The following TRPS1 variants were observed in gnomAD, a reference collection of about 807,000 sequenced individuals.
TRPS1 encodes zinc finger transcription factor Trps1.
A neutral mutation model predicts 101.2 loss-of-function variants in TRPS1; 6 were observed. That is an observed-to-expected ratio of 0.06 (90% CI 0.03 to 0.12). TRPS1 has a LOEUF of 0.12. TRPS1 is among the 10% of genes least tolerant of loss of function. TRPS1 has a pLI of 1.00. For missense variants in TRPS1, 1,363 were observed against 1,567.0 expected (o/e 0.87, Z 2.20); for synonymous variants, 578 against 589.8 (o/e 0.98, Z 0.29).
chr8:115,421,356 A>G (rs537968156), intron 5 of TRPS1, among the ~76,000 whole-genome samples: 8 of 152,290 alleles, frequency 5.3e-5, no homozygotes, highest in African/African-American at 1.7e-4. Flanking sequence ...CTCAAATCCT[A>G]TTTGCCAAGA....
chr8:115,662,390 G>A (rs910184580), intron 1 of TRPS1, among the ~76,000 whole-genome samples: 13 of 151,822 alleles, frequency 8.6e-5, no homozygotes, highest in Admixed American at 2.0e-4. Context: ...CAAAGTCCAC[G>A]ACAAGTAACC....
chr8:115,654,345 T>A (rs1427762914), intron 1 of TRPS1, among the ~76,000 whole-genome samples: 1 of 152,200 alleles, frequency 6.6e-6, no homozygotes, highest in East Asian at 1.9e-4. Context: ...GGAAAGTATT[T>A]AAAATAAATG....
At chr8:115,516,830 G>A (rs1208543975) in intron 5 of TRPS1, among the ~76,000 whole-genome samples, 1 of 151,420 alleles carries the variant, frequency 6.6e-6, no homozygotes, top group Non-Finnish European at 1.5e-5. Context: ...CCAAACCAGT[G>A]TTCTTTTACT....
intron 5 of TRPS1, among the ~76,000 whole-genome samples, chr8:115,529,703 A>C (rs1008323324): frequency 2.6e-5 from 4 of 152,136 alleles, no homozygotes; most frequent in Admixed American, 6.6e-5. Flanking sequence ...TATATTACAG[A>C]AAGTGTCCAG....
intron 1 of TRPS1, among the ~76,000 whole-genome samples, chr8:115,647,256 A>G (rs889855467): frequency 1.3e-5 from 2 of 152,168 alleles, no homozygotes; most frequent in African/African-American, 2.4e-5. Flanking sequence ...AATTTTCATG[A>G]TATGGCCTTA....
intron 5 of TRPS1, among the ~76,000 whole-genome samples, chr8:115,548,333 T>C (rs946218429): frequency 6.6e-6 from 1 of 152,128 alleles, no homozygotes; most frequent in Non-Finnish European, 1.5e-5. Flanking sequence ...TTTTTGTTTT[T>C]TGGGTTTTGT....
chr8:115,485,149 A>G (rs1563764390), intron 5 of TRPS1, among the ~76,000 whole-genome samples: 1 of 152,212 alleles, frequency 6.6e-6, no homozygotes, highest in East Asian at 1.9e-4. Flanking sequence ...TGGTCTCAGA[A>G]GAGGAAGTCA....
At chr8:115,500,283 C>T (rs1346756189) in intron 5 of TRPS1, among the ~76,000 whole-genome samples, 2 of 152,094 alleles carry the variant, frequency 1.3e-5, no homozygotes, top group Admixed American at 6.5e-5. Flanking sequence ...CCGCCTTGGC[C>T]TCCCAAAGTG....
intron 5 of TRPS1, among the ~76,000 whole-genome samples, chr8:115,575,706 C>T (rs531681360): frequency 6.6e-6 from 1 of 152,120 alleles, no homozygotes; most frequent in South Asian, 2.1e-4. Context: ...ATCATGATCA[C>T]CCATACTTCA....
At position 115,414,291 on chromosome 8, in the gene TRPS1, T is replaced by G. The variant is rs778438098; in HGVS notation, c.3617A>C (p.Asn1206Thr). Reference protein sequence around the residue: ...EKTKAPPNVKNEGPLNVVKTE... With the variant: ...EKTKAPPNVKTEGPLNVVKTE... ...TTTTACTACATTCAAGGGACCTTCA[T>G]TTTTTACATTTGGTGGTGCCTTCGT... The change falls in exon 7 of 7, where the codon AAT becomes ACT. Residue 1206 changes from asparagine (N) to threonine (T), a missense_variant. Coordinates refer to ENST00000395715, the MANE Select transcript of TRPS1 (RefSeq NM_014112.5). This position sits in a 1 kb window ranked among gnomAD's most constrained non-coding sequence, Gnocchi z 4.8. 1 of 1,614,008 alleles carries G rather than the reference T, an allele frequency of 6.2e-7. No homozygotes were observed. Among genetic ancestry groups the G allele is most frequent in the East Asian group, 2.2e-5 (1 of 44,874 alleles).
At chr8:115,464,248 A>G (rs987348557) in intron 5 of TRPS1, among the ~76,000 whole-genome samples, 2 of 152,106 alleles carry the variant, frequency 1.3e-5, no homozygotes, top group Non-Finnish European at 2.9e-5. Context: ...TATTTTATCC[A>G]ACTGCTTTGT....
chr8:115,462,623 TTC>T (rs375709611), intron 5 of TRPS1, among the ~76,000 whole-genome samples: 9,860 of 132,484 alleles, frequency 0.074, 1,077 homozygotes, highest in African/African-American at 0.22. Flanking sequence ...TGTTTTTCTT[TTC>T]TCTCTCTCTC....
intron 5 of TRPS1, among the ~76,000 whole-genome samples, chr8:115,536,001 A>G (rs927384145): frequency 1.3e-5 from 2 of 152,142 alleles, no homozygotes; most frequent in Admixed American, 6.5e-5. Flanking sequence ...TTTTCACATC[A>G]TAACATAATT....
Position 115,411,895 on chromosome 8 carries a change from T to A in TRPS1, c.*2128A>T, listed in dbSNP as rs1812798486. On this transcript the variant is annotated 3_prime_UTR_variant, in exon 7 of 7. Coordinates refer to ENST00000395715, the MANE Select transcript of TRPS1 (RefSeq NM_014112.5). ...TTCATTCGCTACAACAGTCACGAACTGGTTGAACTCTACCTGCCATCCAAC... is the reference window on the plus strand; with the variant it reads ...TTCATTCGCTACAACAGTCACGAACAGGTTGAACTCTACCTGCCATCCAAC... 1 of 152,468 alleles carries A rather than the reference T, an allele frequency of 6.6e-6. No individual in the cohort carries two copies. 9.4% of individuals were successfully genotyped at this position (152,468 alleles called of 1,614,324 possible).
chr8:115,548,205 G>A (rs1359549059), intron 5 of TRPS1, among the ~76,000 whole-genome samples: 1 of 152,056 alleles, frequency 6.6e-6, no homozygotes, highest in Non-Finnish European at 1.5e-5. Context: ...GTGTATTCCA[G>A]CCTGGGTGAC....
chr8:115,592,603 T>C (rs1330027477), intron 4 of TRPS1, among the ~76,000 whole-genome samples: 3 of 152,210 alleles, frequency 2.0e-5, no homozygotes, highest in Non-Finnish European at 2.9e-5. Context: ...TTATCAGTTC[T>C]AACTGAAGGA....
intron 5 of TRPS1, among the ~76,000 whole-genome samples, chr8:115,527,783 A>G (rs749049528): frequency 2.0e-5 from 3 of 152,120 alleles, no homozygotes; most frequent in Non-Finnish European, 2.9e-5. Context: ...AAAAGAAGCC[A>G]TTCTGGTATT....
At chr8:115,483,532 CAAAA>C (rs67338348) in intron 5 of TRPS1, among the ~76,000 whole-genome samples, 21 of 109,944 alleles carry the variant, frequency 1.9e-4, no homozygotes, top group Admixed American at 3.8e-4. Flanking sequence ...GACCTTGTCT[CAAAA>C]AAAAAAAAAA....
chr8:115,608,556 C>T (rs1261973765), intron 3 of TRPS1, among the ~76,000 whole-genome samples: 1 of 151,932 alleles, frequency 6.6e-6, no homozygotes, highest in Non-Finnish European at 1.5e-5. Context: ...TGAAAAGATA[C>T]ATTATTTAAC....
Sources: gnomAD v4.1 joint callset for allele counts (sites outside exome capture counted in the v4.1 genomes callset) on GRCh38, gnomAD v4.1.1 for gene constraint, Gnocchi (gnomAD v3.1) non-coding constraint, MANE v1.5 for transcripts, NCBI Gene and HGNC (gene_info 2026-07-23, HGNC 2026-07-21) for gene names.